Variants in TLCD5 observed in about 807,000 individuals in gnomAD.
TLCD5 encodes the protein TLC domain containing 5, also known as TLC domain-containing protein 5.
TLCD5 carries 15 observed loss-of-function variants against 20.5 expected under a neutral mutation model. The ratio of observed to expected loss-of-function variants is 0.73; its 90% CI spans 0.49 to 1.13. The LOEUF is 1.13. Ranked by LOEUF, TLCD5 falls within the 50% of genes most tolerant of loss-of-function variation. The probability of loss-of-function intolerance (pLI) is 0.00; values close to 1 mark genes in which losing one functional copy is unlikely to be tolerated. For synonymous variants in TLCD5, 107 were observed against 114.7 expected (o/e 0.93, Z 0.43); for missense variants, 289 against 305.6 (o/e 0.95, Z 0.41).
At position 120,330,781 on chromosome 11, in the gene TLCD5, T is replaced by G. The variant is rs576991008; in HGVS notation, c.*266T>G. The G allele has an allele frequency of 2.9e-6, 1 of 342,200 alleles. No individual in the cohort carries two copies. Among genetic ancestry groups the G allele is most frequent in the African/African-American group, 2.1e-5 (1 of 48,356 alleles). The allele number at this position is 342,200 out of a possible 1,614,324, so 21.2% of individuals were successfully genotyped here. On this transcript the variant is annotated 3_prime_UTR_variant, in exon 3 of 3. Coordinates refer to ENST00000375095, the MANE Select transcript of TLCD5 (RefSeq NM_001198671.2). ...GAAGTGAGTACAACTGGCATTTGTT[T>G]TCATTTGTGGTGACCCTGGGTCCTC...
intron 1 of TLCD5, chr11:120,327,117 C>T (rs1942018070): frequency 4.2e-6 from 2 of 479,850 alleles, no homozygotes; most frequent in Non-Finnish European, 7.4e-6. Flanking sequence ...GTATTATTGC[C>T]CAAGGTCAGT....
chr11:120,331,204 A>G lies in TLCD5; in HGVS notation c.*689A>G, dbSNP rs1942146324. On this transcript the variant is annotated 3_prime_UTR_variant, in exon 3 of 3. Transcript: ENST00000375095. This position sits in a 1 kb window ranked among gnomAD's most constrained non-coding sequence, Gnocchi z 4.5. ...GTCTTACTTATAGTTTTGATTTATT[A>G]TAGTGAAAAGATACAAAGAAAAATC... 1 of 152,224 alleles carries G rather than the reference A, an allele frequency of 6.6e-6. No individual in the cohort carries two copies. The highest frequency in any genetic ancestry group is 2.1e-4 in the South Asian group (1 of 4,832). The allele number at this position is 152,224 out of a possible 1,614,324, so 9.4% of individuals were successfully genotyped here.
chr11:120,328,762 T>TTGTGTG (rs1165132439), intron 2 of TLCD5, among the ~76,000 whole-genome samples: 22 of 12,316 alleles, frequency 1.8e-3, no homozygotes, highest in South Asian at 4.1e-3. Context: ...AACAGTCATA[T>TTGTGTG]TGTGTGTGTG....
intron 1 of TLCD5, chr11:120,327,161 T>C (rs1565398843): frequency 1.7e-6 from 1 of 581,628 alleles, no homozygotes; most frequent in East Asian, 2.9e-5. Flanking sequence ...CATTTACTCA[T>C]CATAAAATGT....
At chr11:120,329,081 TGTG>T (rs1942090170) in intron 2 of TLCD5, among the ~76,000 whole-genome samples, 1 of 88,232 alleles carries the variant, frequency 1.1e-5, no homozygotes, top group African/African-American at 8.5e-5. Context: ...ACAGTCATAT[TGTG>T]TGTGTGTGTG....
In TLCD5 at chr11:120,327,496, CT is replaced by C; in HGVS notation, c.56del (p.Leu19ProfsTer8). On this transcript the variant is annotated frameshift_variant, in exon 2 of 3. Coordinates refer to ENST00000375095, the MANE Select transcript of TLCD5 (RefSeq NM_001198671.2). LOFTEE classifies it high-confidence loss of function. ...GTGCAGCCTGTGTGGCTGGCTCTCG[CT>C]CTATATTTCTTTCTGCCACCTGAAT... The part of the protein sequence containing the change: ...VLCSLCGWLS[L>X]YISFCHLNKH... 6.2e-7 allele frequency: 1 copy of C among 1,614,196 alleles called. No individual in the cohort carries two copies. The highest frequency in any genetic ancestry group is 2.2e-5 in the East Asian group (1 of 44,886).
rs539169285 is a variant in TLCD5, at chr11:120,333,605, C to T, written c.*3090C>T. On this transcript the variant is annotated 3_prime_UTR_variant, in exon 3 of 3. Coordinates refer to ENST00000375095, the MANE Select transcript of TLCD5 (RefSeq NM_001198671.2). This position sits in a 1 kb window ranked among gnomAD's most constrained non-coding sequence, Gnocchi z 4.5. ...GCACTGGATTACTGTGTAATGATAA[C>T]GAACACTGTTCAAGAACGATTTATA... The T allele has an allele frequency of 8.5e-5, 13 of 152,226 alleles. No individual in the cohort carries two copies. The highest frequency in any genetic ancestry group is 2.4e-4 in the African/African-American group (10 of 41,536). The allele number at this position is 152,226 out of a possible 1,614,324, so 9.4% of individuals were successfully genotyped here. A position where few individuals can be genotyped will look rare whatever the true frequency, so the allele number is the denominator to read the frequency against.
intron 1 of TLCD5, 21 bp downstream of exon 1, chr11:120,325,389 G>C (rs1467762623): frequency 6.6e-6 from 1 of 152,146 alleles, no homozygotes; most frequent in African/African-American, 2.4e-5. Flanking sequence ...GGCGCGAACT[G>C]CCCGGCCGGG....
intron 1 of TLCD5, chr11:120,327,093 G>A (rs563590351): frequency 7.2e-6 from 3 of 419,288 alleles, no homozygotes; most frequent in African/African-American, 6.0e-5. Context: ...TAATACATGT[G>A]CTTTATTTTC....
chr11:120,330,194 G>T lies in TLCD5; in HGVS notation c.417G>T (p.Leu139Phe). 1 of 1,571,894 alleles carries T rather than the reference G, an allele frequency of 6.4e-7. No individual in the cohort carries two copies. ...VLFGSELTNPLLQMRWFLRET... is the reference protein window; with the variant it reads ...VLFGSELTNPFLQMRWFLRET... ...TTGGAAGTGAGCTTACCAACCCCTT[G>T]CTACAGATGCGCTGGTTTCTCCGGG... Residue 139 changes from leucine to phenylalanine, a missense_variant, in exon 3 of 3, where the codon TTG becomes TTT. By Grantham distance (22) the Leu-to-Phe change is conservative. Transcript: ENST00000375095.
rs867176171 is a variant in TLCD5 at position 120,328,872 on chromosome 11, T to C, written c.200-1105T>C. On this transcript the variant is annotated intron_variant, in intron 2 of 2. Transcript: ENST00000375095. ...GTGTGTGTGTGTGTGTGTATGTATA[T>C]GTATGCATATCTGTGTCCTAATCCC... Among the ~76,000 whole-genome samples the C allele has an allele frequency of 2.8e-3, 409 of 148,164 alleles. 15 individuals are homozygous for C. The highest frequency in any genetic ancestry group is 9.9e-3 in the African/African-American group (382 of 38,536).
intron 1 of TLCD5, among the ~76,000 whole-genome samples, chr11:120,326,695 G>A (rs961188115): frequency 1.3e-5 from 2 of 152,118 alleles, no homozygotes; most frequent in Non-Finnish European, 2.9e-5. Context: ...CAGCTTTCTG[G>A]CTTCATTTCA....
rs1338913283 is a variant in TLCD5, at chr11:120,331,234, A to G, written c.*719A>G. 1 of 152,242 alleles carries G rather than the reference A, an allele frequency of 6.6e-6. No individual in the cohort carries two copies. The highest frequency in any genetic ancestry group is 1.5e-5 in the Non-Finnish European group (1 of 68,048). 9.4% of individuals were successfully genotyped at this position (152,242 alleles called of 1,614,324 possible). A position where few individuals can be genotyped will look rare whatever the true frequency, so the allele number is the denominator to read the frequency against. On this transcript the variant is annotated 3_prime_UTR_variant, in exon 3 of 3. Coordinates refer to ENST00000375095, the MANE Select transcript of TLCD5 (RefSeq NM_001198671.2). The surrounding 1 kb of genome is among the most constrained non-coding windows in gnomAD (Gnocchi z 4.5). ...GAAAAGATACAAAGAAAAATCGGTA[A>G]AAGGAAAAGGCACCTGAGACAAAGT...
At chr11:120,329,021 A>G (rs796271726) in intron 2 of TLCD5, among the ~76,000 whole-genome samples, 109 of 41,304 alleles carry the variant, frequency 2.6e-3, no homozygotes, top group South Asian at 0.017. Flanking sequence ...GTGTGTGTGT[A>G]TGTGTTTGTA....
intron 2 of TLCD5, among the ~76,000 whole-genome samples, chr11:120,328,940 G>A (rs996807834): frequency 5.2e-4 from 43 of 81,938 alleles, no homozygotes; most frequent in African/African-American, 8.7e-4. Context: ...GTGTGTGTGT[G>A]TGTGTTTGTG....
At chr11:120,328,356 C>G (rs1221540392) in intron 2 of TLCD5, among the ~76,000 whole-genome samples, 1 of 152,180 alleles carries the variant, frequency 6.6e-6, no homozygotes, top group Non-Finnish European at 1.5e-5. Flanking sequence ...GCTGGGATTA[C>G]AGGTGTGAGC....
chr11:120,329,356 T>A (rs1183439693), intron 2 of TLCD5, among the ~76,000 whole-genome samples: 1 of 152,174 alleles, frequency 6.6e-6, no homozygotes, highest in African/African-American at 2.4e-5. Context: ...AATTTCTGAG[T>A]TTCCCCCCAA....
At chr11:120,325,606 CG>C (rs1220642585) in intron 1 of TLCD5, among the ~76,000 whole-genome samples, 1 of 152,066 alleles carries the variant, frequency 6.6e-6, no homozygotes, top group Non-Finnish European at 1.5e-5. Context: ...CACCGCCGCG[CG>C]GAGATGCGAT....
At chr11:120,325,714 A>C (rs1324146276) in intron 1 of TLCD5, among the ~76,000 whole-genome samples, 1 of 152,218 alleles carries the variant, frequency 6.6e-6, no homozygotes, top group Non-Finnish European at 1.5e-5. Context: ...GGGAGAAACC[A>C]GGAGAGGAGC....
Sources: gnomAD v4.1 joint callset for allele counts (sites outside exome capture counted in the v4.1 genomes callset) on GRCh38, gnomAD v4.1.1 for gene constraint, Gnocchi (gnomAD v3.1) non-coding constraint, MANE v1.5 for transcripts, NCBI Gene and HGNC (gene_info 2026-07-23, HGNC 2026-07-21) for gene names.